The following DNAH12 variants were observed in gnomAD, a reference collection of about 807,000 sequenced individuals.
DNAH12 encodes axonemal beta dynein heavy chain 12.
DNAH12 carries 285 observed loss-of-function variants against 371.5 expected under a neutral mutation model. The ratio of observed to expected loss-of-function variants is 0.77; its 90% CI spans 0.70 to 0.85. The LOEUF is 0.85. Ranked by LOEUF, DNAH12 falls within the 40% of genes least tolerant of loss-of-function variation. The pLI is 0.00. For missense variants in DNAH12, 3,611 were observed against 3,689.4 expected (o/e 0.98, Z 0.55); for synonymous variants, 1,200 against 1,213.0 (o/e 0.99, Z 0.22).
chr3:57,320,917 C>T (rs904483088), intron 65 of DNAH12, among the ~76,000 whole-genome samples: 38 of 152,164 alleles, frequency 2.5e-4, no homozygotes, highest in Admixed American at 4.6e-4. Context: ...TTACCTATTA[C>T]CACTGTTCAT....
chr3:57,482,546 A>G (rs1041433020), intron 13 of DNAH12, among the ~76,000 whole-genome samples: 37 of 152,248 alleles, frequency 2.4e-4, no homozygotes, highest in African/African-American at 8.4e-4. Flanking sequence ...TAGAAATACC[A>G]TTTGACCCAG....
chr3:57,468,782 G>T lies in DNAH12; in HGVS notation c.2303C>A (p.Thr768Asn). The T allele has an allele frequency of 2.6e-6, 4 of 1,529,534 alleles. No individual in the cohort carries two copies. The highest frequency in any genetic ancestry group is 3.5e-6 in the Non-Finnish European group (4 of 1,141,820). 94.7% of individuals were successfully genotyped at this position (1,529,534 alleles called of 1,614,324 possible). The change falls in exon 17 of 74, where the codon ACT becomes AAT. Residue 768 changes from threonine (T) to asparagine (N), a missense_variant. By Grantham distance (65) the Thr-to-Asn change is moderately conservative (BLOSUM62 0). This residue lies in a region of DNAH12 where 1,314 missense variants were observed against 1,398.7 expected (regional missense o/e 0.94). Transcript: ENST00000495027. The stretch of plus-strand genomic sequence containing the variant: ...CATGACTGTACTGCACATAGTAATA[G>T]TAGCATTGTCTTTTGGTTCTTCTTC... ...KIEEEPKDNA[T>N]ITMCSTVMEQ...
At chr3:57,413,227 T>G (rs2064260588) in intron 39 of DNAH12, among the ~76,000 whole-genome samples, 1 of 152,182 alleles carries the variant, frequency 6.6e-6, no homozygotes, top group Non-Finnish European at 1.5e-5. Context: ...TATGACATTC[T>G]GAAAATGGTT....
At chr3:57,513,423 C>A (rs947052332) in intron 4 of DNAH12, among the ~76,000 whole-genome samples, 6 of 152,108 alleles carry the variant, frequency 3.9e-5, no homozygotes, top group Non-Finnish European at 8.8e-5. Flanking sequence ...TGCAGCAAAC[C>A]ACCATGGCAC....
chr3:57,519,703 T>A, intron 4 of DNAH12: 1 of 1,610,912 alleles, frequency 6.2e-7, no homozygotes. Flanking sequence ...CCAGTCCTGC[T>A]GGCAGAGAGG....
Position 57,474,845 on chromosome 3 carries a change from G to A in DNAH12, c.1651-2174C>T, listed in dbSNP as rs111651095. Among the ~76,000 whole-genome samples, 1,240 of 151,688 alleles carry A rather than the reference G, an allele frequency of 8.2e-3. 16 individuals are homozygous for A. Among genetic ancestry groups the A allele is most frequent in the African/African-American group, 0.028 (1,142 of 41,396 alleles). On this transcript the variant is annotated intron_variant, in intron 13 of 73. Coordinates refer to ENST00000495027, the MANE Select transcript of DNAH12 (RefSeq NM_001366028.2). Reference sequence around the variant, plus strand: ...GGTGGTGCTAGCTGGGCGTGGTGGCGCGTGCCTGTAGTCCCAGGTACTCAG... The same window carrying A: ...GGTGGTGCTAGCTGGGCGTGGTGGCACGTGCCTGTAGTCCCAGGTACTCAG...
chr3:57,452,235 G>T (rs1444134924), intron 25 of DNAH12, among the ~76,000 whole-genome samples: 1 of 152,074 alleles, frequency 6.6e-6, no homozygotes, highest in Non-Finnish European at 1.5e-5. Flanking sequence ...GATAAACAAT[G>T]AATAATTTAT....
At chr3:57,523,932 A>C (rs374776647) in intron 2 of DNAH12, 48 bp from the exon 3 acceptor site, 2 of 1,324,198 alleles carry the variant, frequency 1.5e-6, no homozygotes, top group African/African-American at 2.9e-5. Context: ...CATTAGCATA[A>C]GTTACTAAAA....
At chr3:57,476,888 T>C (rs1257248687) in intron 13 of DNAH12, among the ~76,000 whole-genome samples, 2 of 152,160 alleles carry the variant, frequency 1.3e-5, no homozygotes, top group East Asian at 3.9e-4. Context: ...AAAATCTATA[T>C]TGTTTAAGGA....
chr3:57,443,771 T>C (rs1411307417), intron 29 of DNAH12, among the ~76,000 whole-genome samples: 1 of 152,140 alleles, frequency 6.6e-6, no homozygotes, highest in Non-Finnish European at 1.5e-5. Context: ...ATGTTACCTA[T>C]AGGATGTTTT....
chr3:57,336,198 A>G (rs1407270762), intron 60 of DNAH12, among the ~76,000 whole-genome samples: 2 of 152,210 alleles, frequency 1.3e-5, no homozygotes, highest in Non-Finnish European at 2.9e-5. Flanking sequence ...TACCTAAAAG[A>G]GTGAAGTCTA....
At position 57,296,442 on chromosome 3, in the gene DNAH12, G is replaced by T. The variant is rs1420477250; in HGVS notation, c.11533-7C>A. The T allele has an allele frequency of 1.3e-6, 2 of 1,543,556 alleles. No homozygotes were observed. Among genetic ancestry groups the T allele is most frequent in the Non-Finnish European group, 1.8e-6 (2 of 1,140,688 alleles). ...ATGTATCAGATGGGATAACCTGAAG[G>T]GATAGGCACACACTAGCAGTGATCC... On this transcript the variant is annotated splice_region_variant and splice_polypyrimidine_tract_variant and intron_variant, in intron 71 of 73. Transcript: ENST00000495027.
rs2065750236 is a variant in DNAH12, at chr3:57,451,333, T to C, written c.3786+1510A>G. 2.6e-5 allele frequency among the ~76,000 whole-genome samples: 4 copies of C among 152,206 alleles called. No homozygotes were observed. The South Asian group carries it at 8.3e-4, about 32-fold the overall frequency. ...TAAAAATACAGAATGCCCAGTTAAA[T>C]TTTATTTCAGATAACGGCCGGGCCC... On this transcript the variant is annotated intron_variant, in intron 25 of 73. Transcript: ENST00000495027.
chr3:57,352,151 A>G lies in DNAH12; in HGVS notation c.9608T>C (p.Ile3203Thr). The change falls in exon 60 of 74, where the codon ATA becomes ACA. Residue 3203 changes from isoleucine to threonine, a missense_variant. By Grantham distance (89) the Ile-to-Thr change is moderately conservative. Around this residue, in one of 3 missense-constraint regions of DNAH12, gnomAD observed 2,266 missense variants for 2,236.9 expected, o/e 1.01. Transcript: ENST00000495027. ...GTCCTTCTCAAATAGTGATCGGCAT[A>G]TATTACAATATAAGTTGTATGTGAA... ...DHFTYNLYCN[I>T]CRSLFEKDKL... is the part of the protein sequence containing the mutation. The G allele has an allele frequency of 1.9e-6, 3 of 1,544,794 alleles. No homozygotes were observed. The highest frequency in any genetic ancestry group is 2.7e-5 in the African/African-American group (2 of 72,806).
In DNAH12 at chr3:57,542,911, G is replaced by C; in HGVS notation, c.-33-8C>G. On this transcript the variant is annotated splice_region_variant and splice_polypyrimidine_tract_variant and intron_variant, in intron 1 of 73. Coordinates refer to ENST00000495027, the MANE Select transcript of DNAH12 (RefSeq NM_001366028.2). ...ATTAAAATACTCTGTACTCTGAGGA[G>C]AAAAAGTCCATAAAGCCATTATTAT... The C allele has an allele frequency of 1.3e-6, 2 of 1,489,554 alleles. No homozygotes were observed. Among genetic ancestry groups the C allele is most frequent in the South Asian group, 1.5e-5 (1 of 67,510 alleles). The allele number at this position is 1,489,554 out of a possible 1,614,324, so 92.3% of individuals were successfully genotyped here.
intron 34 of DNAH12, 32 bp from the exon 35 acceptor site, chr3:57,425,173 TTTTC>T: frequency 1.5e-6 from 1 of 681,706 alleles, no homozygotes; most frequent in Non-Finnish European, 2.6e-6. Context: ...ACTTTCTTAA[TTTTC>T]ATCTTATTTA....
chr3:57,471,219 T>C (rs2066356422), intron 15 of DNAH12, among the ~76,000 whole-genome samples: 1 of 151,834 alleles, frequency 6.6e-6, no homozygotes, highest in South Asian at 2.1e-4. Flanking sequence ...CCGGGCATGG[T>C]GGCACATGCC....
At chr3:57,294,890 T>C (rs2061201503) in intron 73 of DNAH12, among the ~76,000 whole-genome samples, 1 of 152,168 alleles carries the variant, frequency 6.6e-6, no homozygotes, top group African/African-American at 2.4e-5. Context: ...ATTTGATAGG[T>C]TGGATGGTGA....
At chr3:57,313,343 T>A (rs940371676) in intron 66 of DNAH12, among the ~76,000 whole-genome samples, 1 of 151,660 alleles carries the variant, frequency 6.6e-6, no homozygotes, top group Non-Finnish European at 1.5e-5. Context: ...AAAATACGTT[T>A]AAAAAAAACA....
Sources: allele counts gnomAD v4.1 joint callset (sites outside exome capture counted in the v4.1 genomes callset), GRCh38; gene constraint gnomAD v4.1.1; regional missense constraint gnomAD v4.1.1; transcripts MANE v1.5; gene names NCBI Gene and HGNC (gene_info 2026-07-23, HGNC 2026-07-21).